EIF2AK3: variants seen among roughly 807,000 people sequenced by gnomAD.
EIF2AK3 encodes the protein eukaryotic translation initiation factor 2-alpha kinase 3.
Under a neutral mutation model 113.5 loss-of-function variants are expected in EIF2AK3, and 50 were observed. The observed-to-expected ratio is 0.44, with a 90% CI of 0.35 to 0.56. The LOEUF (loss-of-function observed/expected upper bound fraction) is 0.56. Among genes scored for constraint, EIF2AK3 ranks in the 20% least tolerant of loss-of-function variants. EIF2AK3 has a pLI of 0.00. For missense variants in EIF2AK3, 1,185 were observed against 1,378.0 expected (o/e 0.86, Z 2.22); for synonymous variants, 448 against 495.4 (o/e 0.90, Z 1.27).
chr2:88,597,177 C>A lies in EIF2AK3; in HGVS notation c.439-1514G>T, dbSNP rs1276272914. ...GTGTTCAACTCACACATCTACTTTG[C>A]CCCAAACCTGGGGTTTTGGAAGACA... On this transcript the variant is annotated intron_variant, in intron 2 of 16. Transcript: ENST00000303236. 3.3e-5 allele frequency among the ~76,000 whole-genome samples: 5 copies of A among 152,332 alleles called. No homozygotes were observed. The East Asian group carries it at 9.6e-4, about 29-fold the overall frequency.
rs191465442 is a variant in EIF2AK3, at chr2:88,613,609, A to C, written c.438+115T>G. The C allele has an allele frequency of 7.8e-4, 883 of 1,136,498 alleles. 6 individuals are homozygous for C. Among genetic ancestry groups the C allele is most frequent in the South Asian group, 7.1e-3 (564 of 79,686 alleles). The allele number at this position is 1,136,498 out of a possible 1,614,324, so 70.4% of individuals were successfully genotyped here. On this transcript the variant is annotated intron_variant, in intron 2 of 16. Coordinates refer to ENST00000303236, the MANE Select transcript of EIF2AK3 (RefSeq NM_004836.7). ...AAGTAATTGCCCTAAAGGGACACAA[A>C]CTGTAAGAGGCAGACAGGCCTCAAA...
At chr2:88,572,238 C>T (rs1451776353) in intron 13 of EIF2AK3, among the ~76,000 whole-genome samples, 1 of 152,230 alleles carries the variant, frequency 6.6e-6, no homozygotes, top group African/African-American at 2.4e-5. Context: ...TTCTTCCCAA[C>T]TCCCAACATC....
intron 2 of EIF2AK3, among the ~76,000 whole-genome samples, chr2:88,597,476 A>G (rs969332888): frequency 6.6e-6 from 1 of 152,216 alleles, no homozygotes. Flanking sequence ...AATCCTTTAG[A>G]GGACATTCAA....
intron 2 of EIF2AK3, among the ~76,000 whole-genome samples, chr2:88,602,267 A>G (rs1675169609): frequency 6.6e-6 from 1 of 152,172 alleles, no homozygotes; most frequent in Non-Finnish European, 1.5e-5. Flanking sequence ...AATCCCAAAA[A>G]TTGTATCCAG....
intron 4 of EIF2AK3, among the ~76,000 whole-genome samples, chr2:88,591,818 T>G (rs1188018674): frequency 6.6e-6 from 1 of 152,188 alleles, no homozygotes; most frequent in African/African-American, 2.4e-5. Context: ...TCCTTCCTAT[T>G]CTGGTAACTC....
chr2:88,594,036 A>T, intron 3 of EIF2AK3: 1 of 795,198 alleles, frequency 1.3e-6, no homozygotes, highest in Non-Finnish European at 1.5e-6. Context: ...TTGCTCAAAA[A>T]ACGGCCAGAT....
rs1177802007 is a variant in EIF2AK3, at chr2:88,570,773, T to C, written c.2985+101A>G. On this transcript the variant is annotated intron_variant, in intron 14 of 16. Transcript: ENST00000303236. The stretch of plus-strand genomic sequence containing the variant: ...TGCCAGTTTTCATAATTTTCAGACT[T>C]ACTGGGTTTTAGATTACTGGGTATT... The C allele has an allele frequency of 2.7e-6, 4 of 1,456,996 alleles. No homozygotes were observed. In the East Asian group the frequency reaches 6.8e-5, roughly 25 times the overall value. 90.3% of individuals were successfully genotyped at this position (1,456,996 alleles called of 1,614,324 possible).
intron 15 of EIF2AK3, among the ~76,000 whole-genome samples, chr2:88,561,409 G>A (rs909397760): frequency 2.6e-5 from 4 of 152,014 alleles, no homozygotes; most frequent in Non-Finnish European, 1.5e-5. Flanking sequence ...CTACAGGCAC[G>A]TGCCACCATG....
intron 1 of EIF2AK3, among the ~76,000 whole-genome samples, chr2:88,625,740 T>C (rs555824245): frequency 1.5e-3 from 229 of 152,328 alleles, no homozygotes; most frequent in African/African-American, 5.3e-3. Context: ...CTCTACTTCA[T>C]GTAATTCATT....
intron 12 of EIF2AK3, chr2:88,575,685 A>T (rs1420376474): frequency 9.5e-6 from 5 of 524,318 alleles, no homozygotes; most frequent in South Asian, 8.1e-5. Flanking sequence ...GTTACCTGGG[A>T]CTGTCTGGGG....
chr2:88,570,684 G>A (rs1347326403), intron 14 of EIF2AK3, among the ~76,000 whole-genome samples, 190 bp downstream of exon 14: 1 of 152,140 alleles, frequency 6.6e-6, no homozygotes, highest in African/African-American at 2.4e-5. Flanking sequence ...TCTTAATCCA[G>A]CCCCAATTCA....
chr2:88,559,100 T>C (rs1484955407), intron 15 of EIF2AK3, 121 bp from the exon 16 acceptor site: 1 of 645,370 alleles, frequency 1.5e-6, no homozygotes, highest in Non-Finnish European at 2.7e-6. Context: ...AATTTATCAA[T>C]AGCTTTTCCT....
intron 1 of EIF2AK3, among the ~76,000 whole-genome samples, chr2:88,621,658 G>A (rs1164788908): frequency 1.3e-5 from 2 of 152,112 alleles, no homozygotes; most frequent in Non-Finnish European, 2.9e-5. Context: ...CACCTACTAA[G>A]TAAATCTTCA....
At chr2:88,566,360 G>A (rs537598696) in intron 14 of EIF2AK3, among the ~76,000 whole-genome samples, 2 of 152,150 alleles carry the variant, frequency 1.3e-5, no homozygotes, top group South Asian at 2.1e-4. Context: ...GCCCAGGCTG[G>A]CCTGGAACTC....
At chr2:88,622,172 C>G (rs1675741093) in intron 1 of EIF2AK3, among the ~76,000 whole-genome samples, 1 of 152,174 alleles carries the variant, frequency 6.6e-6, no homozygotes, top group African/African-American at 2.4e-5. Flanking sequence ...GCTGTGATTA[C>G]AGGCGTGAGC....
At chr2:88,559,558 A>G in intron 15 of EIF2AK3, among the ~76,000 whole-genome samples, 1 of 151,248 alleles carries the variant, frequency 6.6e-6, no homozygotes, top group African/African-American at 2.4e-5. Flanking sequence ...ACATTTACAT[A>G]TATGTGTATA....
At chr2:88,587,900 C>A in intron 8 of EIF2AK3, 82 bp downstream of exon 8, 1 of 971,946 alleles carries the variant, frequency 1.0e-6, no homozygotes. Context: ...ATTGTCTATA[C>A]TCTAATCGAC....
Position 88,583,779 on chromosome 2 carries a change from T to A in EIF2AK3, c.1651-237A>T, listed in dbSNP as rs1031362278. On this transcript the variant is annotated intron_variant, in intron 9 of 16. Transcript: ENST00000303236. ...TTTGTTTCTTTATAATGTGGGTATG[T>A]CATATGTACAGCATGATACATAACT... 1.4e-4 allele frequency among the ~76,000 whole-genome samples: 22 copies of A among 152,282 alleles called. No homozygotes were observed. The East Asian group carries it at 3.5e-3, about 24-fold the overall frequency.
intron 2 of EIF2AK3, among the ~76,000 whole-genome samples, chr2:88,599,487 T>C (rs972090416): frequency 4.0e-5 from 6 of 151,806 alleles, no homozygotes; most frequent in Admixed American, 3.9e-4. Context: ...ATCTTCTATT[T>C]TGAGTTACAT....
Sources: allele counts gnomAD v4.1 joint callset (sites outside exome capture counted in the v4.1 genomes callset), GRCh38; gene constraint gnomAD v4.1.1; transcripts MANE v1.5; gene names NCBI Gene and HGNC (gene_info 2026-07-23, HGNC 2026-07-21).